NADK: variants seen among roughly 807,000 people sequenced by gnomAD.
NADK encodes NAD kinase, also known as poly(P)/ATP NAD kinase.
In NADK, 22 loss-of-function variants were observed where a neutral mutation model predicts 49.8. The ratio of observed to expected loss-of-function variants is 0.44; its 90% confidence interval spans 0.32 to 0.63. The LOEUF is 0.63. NADK is among the 30% of genes least tolerant of loss of function. The pLI is 0.06. For synonymous variants in NADK, 268 were observed against 253.7 expected (o/e 1.06, Z -0.54); for missense variants, 438 against 609.4 (o/e 0.72, Z 2.96).
Position 1,753,016 on chromosome 1 carries a change from A to G in NADK, c.1229T>C (p.Val410Ala). The change falls in exon 12 of 12, where the codon GTG (valine) becomes GCG (alanine). Residue 410 changes from valine to alanine, a missense_variant. Physicochemically the swap from Val to Ala is moderately conservative, Grantham distance 64. Coordinates refer to ENST00000341426, the MANE Select transcript of NADK (RefSeq NM_023018.5). ...TSCYPLPSIC[V>A]RDPVSDWFES... ...AAACCAGTCGCTCACGGGGTCCCGC[A>G]CACAGATGGAGGGGAGCGGGTAGCA... 6.2e-7 allele frequency: 1 copy of G among 1,610,402 alleles called. No individual in the cohort carries two copies. The highest frequency in any genetic ancestry group is 8.5e-7 in the Non-Finnish European group (1 of 1,178,644).
Position 1,770,010 on chromosome 1 carries a change from CAAAAAA to C in NADK, c.-40-4570_-40-4565del, listed in dbSNP as rs869140176. ...ACAAAAACAAAAACAAAAACAAAAA[CAAAAAA>C]ATTAGCCTGGAGTGGTGGTGGGCAC... On this transcript the variant is annotated intron_variant, in intron 1 of 11. Transcript: ENST00000341426. Among the ~76,000 whole-genome samples the C allele has an allele frequency of 1.2e-4, 15 of 121,816 alleles. 1 individual carries two copies. The highest frequency in any genetic ancestry group is 4.5e-4 in the African/African-American group (15 of 33,388). 79.9% of individuals were successfully genotyped at this position (121,816 alleles called of 152,430 possible).
chr1:1,752,951 T>G lies in NADK; in HGVS notation c.1294A>C (p.Lys432Gln), dbSNP rs961108512. Residue 432 changes from lysine (K) to glutamine (Q), a missense_variant, in exon 12 of 12, where the codon AAG becomes CAG. Physicochemically the swap from Lys to Gln is moderately conservative, Grantham distance 53. Coordinates refer to ENST00000341426, the MANE Select transcript of NADK (RefSeq NM_023018.5). Reference protein sequence around the residue: ...AQCLHWNVRKKQAHFEEEEEE... With the variant: ...AQCLHWNVRKQQAHFEEEEEE... ...TCCTCCTCCTCGAAGTGGGCTTGCTTCTTCCGGACGTTCCAATGCAGGCAC... is the reference window on the plus strand; with the variant it reads ...TCCTCCTCCTCGAAGTGGGCTTGCTGCTTCCGGACGTTCCAATGCAGGCAC... 4 of 1,599,232 alleles carry G rather than the reference T, an allele frequency of 2.5e-6. No individual in the cohort carries two copies. The highest frequency in any genetic ancestry group is 1.8e-5 in the Admixed American group (1 of 56,322).
rs377151620 is a variant in NADK, at chr1:1,757,527, G to A, written c.264-217C>T. Among the ~76,000 whole-genome samples, 22 of 151,754 alleles carry A rather than the reference G, an allele frequency of 1.4e-4. No individual in the cohort carries two copies. The East Asian group carries it at 2.1e-3, about 15-fold the overall frequency. ...GGAGTGACCACCTCTCACCTGCTTG[G>A]CCCATCACACGCAGGCTCAGGCCCA... On this transcript the variant is annotated intron_variant, in intron 3 of 11. Coordinates refer to ENST00000341426, the MANE Select transcript of NADK (RefSeq NM_023018.5).
chr1:1,766,900 A>G (rs934191372), intron 1 of NADK, among the ~76,000 whole-genome samples: 16 of 150,886 alleles, frequency 1.1e-4, no homozygotes, highest in African/African-American at 3.7e-4. Flanking sequence ...ATGAGCCACC[A>G]TGCCTGGCCT....
At chr1:1,756,983 C>T in intron 4 of NADK, 198 bp downstream of exon 4, 1 of 932,716 alleles carries the variant, frequency 1.1e-6, no homozygotes, top group Non-Finnish European at 1.7e-6. Context: ...CATTGTTGGT[C>T]ACCCAGTCTG....
chr1:1,759,639 G>A (rs1645651121), intron 3 of NADK: 2 of 1,363,996 alleles, frequency 1.5e-6, no homozygotes, highest in African/African-American at 1.4e-5. Context: ...GAAGCGGGAG[G>A]TTATGATCCC....
intron 1 of NADK, among the ~76,000 whole-genome samples, chr1:1,776,608 A>T (rs1646217782): frequency 6.6e-6 from 1 of 151,956 alleles, no homozygotes; most frequent in Non-Finnish European, 1.5e-5. Flanking sequence ...ACCCGTCTCT[A>T]CTAAAAATAC....
rs1251106836 is a variant in NADK, at chr1:1,773,717, T to TGAGAGAGA, written c.-41+4571_-41+4572insTCTCTCTC. 1.2e-3 allele frequency among the ~76,000 whole-genome samples: 162 copies of TGAGAGAGA among 138,024 alleles called. 1 individual carries two copies. Among genetic ancestry groups the TGAGAGAGA allele is most frequent in the Non-Finnish European group, 1.7e-3 (105 of 63,148 alleles). The allele number at this position is 138,024 out of a possible 152,430, so 90.5% of individuals were successfully genotyped here. A position where few individuals can be genotyped will look rare whatever the true frequency, so the allele number is the denominator to read the frequency against. On this transcript the variant is annotated intron_variant, in intron 1 of 11. Coordinates refer to ENST00000341426, the MANE Select transcript of NADK (RefSeq NM_023018.5). ...GTGTGTGTGTGTGTGTGTGTGTGTG[T>TGAGAGAGA]GTGTGTGTGTGTGAGAGAGAGAGAG...
chr1:1,759,348 CT>C lies in NADK; in HGVS notation c.264-2039del, dbSNP rs765939880. On this transcript the variant is annotated intron_variant, in intron 3 of 11. Transcript: ENST00000341426. ...TTGCAGGCACACACGGCTGTGGGTA[CT>C]GCACGGAGAGGGCAGGGGGTGGCGT... The C allele has an allele frequency of 5.0e-4, 705 of 1,407,324 alleles. 4 individuals carry two copies. Among genetic ancestry groups the C allele is most frequent in the Admixed American group, 1.3e-4 (5 of 38,572 alleles). 87.2% of individuals were successfully genotyped at this position (1,407,324 alleles called of 1,614,324 possible).
chr1:1,763,435 A>G (rs996401903), intron 2 of NADK, among the ~76,000 whole-genome samples: 1 of 152,076 alleles, frequency 6.6e-6, no homozygotes, highest in Non-Finnish European at 1.5e-5. Flanking sequence ...CCTGGCCAAC[A>G]TGGTGAAATC....
At position 1,752,909 on chromosome 1, in the gene NADK, C is replaced by T. The variant is rs781726371; in HGVS notation, c.1336G>A (p.Gly446Ser). The change falls in exon 12 of 12, where the codon GGC becomes AGC. Residue 446 changes from glycine to serine, a missense_variant. Gly to Ser is a moderately conservative substitution (Grantham distance 56, BLOSUM62 0). Coordinates refer to ENST00000341426, the MANE Select transcript of NADK (RefSeq NM_023018.5). ...FEEEEEEEEE[G>S] ...GGCCTGGATAGGGGCTTGACCTAGC[C>T]CTCCTCCTCCTCCTCCTCCTCCTCC... 9.9e-7 allele frequency: 1 copy of T among 1,005,148 alleles called. No individual in the cohort carries two copies. Among genetic ancestry groups the T allele is most frequent in the Non-Finnish European group, 1.3e-6 (1 of 750,950 alleles). 62.3% of individuals were successfully genotyped at this position (1,005,148 alleles called of 1,614,324 possible). A position where few individuals can be genotyped will look rare whatever the true frequency, so the allele number is the denominator to read the frequency against.
chr1:1,756,897 C>G, intron 4 of NADK: 1 of 806,590 alleles, frequency 1.2e-6, no homozygotes, highest in Non-Finnish European at 2.2e-6. Flanking sequence ...AGAGAAGACA[C>G]AGCAGGAAGG....
At position 1,752,947 on chromosome 1, in the gene NADK, T is replaced by G. The variant is rs1235071021; in HGVS notation, c.1298A>C (p.Gln433Pro). The G allele has an allele frequency of 1.3e-5, 21 of 1,599,654 alleles. No homozygotes were observed. Among genetic ancestry groups the G allele is most frequent in the Non-Finnish European group, 1.7e-5 (20 of 1,173,660 alleles). The change falls in exon 12 of 12, where the codon CAA becomes CCA. Residue 433 changes from glutamine (Q) to proline (P), a missense_variant. Physicochemically the swap from Gln to Pro is moderately conservative, Grantham distance 76. Coordinates refer to ENST00000341426, the MANE Select transcript of NADK (RefSeq NM_023018.5). ...QCLHWNVRKK[Q>P]AHFEEEEEEE... ...CTCCTCCTCCTCCTCGAAGTGGGCT[T>G]GCTTCTTCCGGACGTTCCAATGCAG...
At chr1:1,755,510 C>T (rs370009268) in intron 6 of NADK, 34 bp from the exon 7 acceptor site, 26 of 1,522,904 alleles carry the variant, frequency 1.7e-5, no homozygotes, top group African/African-American at 5.5e-5. Context: ...TCAGTGCCCA[C>T]GCCGTGCACC....
rs769764174 is a variant in NADK at position 1,754,531 on chromosome 1, C to A, written c.843+13G>T. The A allele has an allele frequency of 3.7e-6, 6 of 1,604,468 alleles. No individual in the cohort carries two copies. Among genetic ancestry groups the A allele is most frequent in the Non-Finnish European group, 5.1e-6 (6 of 1,175,046 alleles). On this transcript the variant is annotated intron_variant, in intron 8 of 11. Transcript: ENST00000341426. This position sits in a 1 kb window ranked among gnomAD's most constrained non-coding sequence, Gnocchi z 4.3. Reference sequence around the variant, plus strand: ...CCTGGGCCCCTCACCGAGGCCGAGGCGCCTCCACTCACCTGGTACTGCATG... The same window carrying A: ...CCTGGGCCCCTCACCGAGGCCGAGGAGCCTCCACTCACCTGGTACTGCATG...
At position 1,752,029 on chromosome 1, in the gene NADK, T is replaced by TC. The variant is rs759590001; in HGVS notation, c.*874dup. On this transcript the variant is annotated 3_prime_UTR_variant, in exon 12 of 12. Coordinates refer to ENST00000341426, the MANE Select transcript of NADK (RefSeq NM_023018.5). Reference sequence around the variant, plus strand: ...ATCACTAGCCCCGGAAACCCTCATCTCCCGGACCATCAGGATCGCACTGAA... The same window carrying TC: ...ATCACTAGCCCCGGAAACCCTCATCTCCCCGGACCATCAGGATCGCACTGAA... The TC allele has an allele frequency of 2.1e-4, 32 of 150,904 alleles. No individual in the cohort carries two copies. Among genetic ancestry groups the TC allele is most frequent in the Admixed American group, 4.0e-4 (6 of 15,020 alleles). The allele number at this position is 150,904 out of a possible 1,614,324, so 9.3% of individuals were successfully genotyped here.
chr1:1,766,847 T>TCCTCCCAACTCAG (rs1267416154), intron 1 of NADK, among the ~76,000 whole-genome samples: 1 of 151,736 alleles, frequency 6.6e-6, no homozygotes, highest in Non-Finnish European at 1.5e-5. Context: ...CCTCAAGTGA[T>TCCTCCCAACTCAG]CCTCCCAACT....
chr1:1,762,868 A>G (rs1336647468), intron 2 of NADK, among the ~76,000 whole-genome samples: 1 of 152,268 alleles, frequency 6.6e-6, no homozygotes, highest in Non-Finnish European at 1.5e-5. Context: ...TAAATCACCC[A>G]GCCAGGGGCT....
intron 1 of NADK, among the ~76,000 whole-genome samples, chr1:1,772,969 A>AG (rs1395621121): frequency 7.1e-5 from 10 of 141,372 alleles, no homozygotes; most frequent in Admixed American, 4.4e-4. Context: ...TGAACCTGGG[A>AG]GGGGGAGGTT....
Sources: allele counts gnomAD v4.1 joint callset (sites outside exome capture counted in the v4.1 genomes callset), GRCh38; gene constraint gnomAD v4.1.1; non-coding constraint Gnocchi (gnomAD v3.1); transcripts MANE v1.5; gene names NCBI Gene and HGNC (gene_info 2026-07-23, HGNC 2026-07-21).